The following CISD1 variants were observed in gnomAD, a reference collection of about 807,000 sequenced individuals.
The protein encoded by CISD1 is CDGSH iron sulfur domain 1, also known as CDGSH iron-sulfur domain-containing protein 1.
CISD1 carries 8 observed loss-of-function variants against 12.0 expected under a neutral mutation model. That is an observed-to-expected ratio of 0.67 (90% CI 0.39 to 1.20). The LOEUF (loss-of-function observed/expected upper bound fraction) is 1.20. Among genes scored for constraint, CISD1 ranks in the 50% most tolerant of loss-of-function variants. CISD1 has a pLI of 0.01. For missense variants in CISD1, 107 were observed against 132.7 expected (o/e 0.81, Z 0.95); for synonymous variants, 38 against 42.2 (o/e 0.90, Z 0.39).
intron 1 of CISD1, among the ~76,000 whole-genome samples, chr10:58,270,892 C>A (rs1479565542): frequency 6.6e-6 from 1 of 152,114 alleles, no homozygotes; most frequent in Non-Finnish European, 1.5e-5. Flanking sequence ...GAGACAGAGT[C>A]TCACTCAGTG....
intron 2 of CISD1, among the ~76,000 whole-genome samples, chr10:58,282,634 A>G (rs1839385509): frequency 6.6e-6 from 1 of 152,206 alleles, no homozygotes; most frequent in Non-Finnish European, 1.5e-5. Flanking sequence ...TGTATTTCAC[A>G]AAAGGGCTAT....
chr10:58,274,462 T>A (rs1163520125), intron 1 of CISD1, among the ~76,000 whole-genome samples: 2 of 149,598 alleles, frequency 1.3e-5, no homozygotes, highest in African/African-American at 4.9e-5. Flanking sequence ...TTTTTTTTTT[T>A]TTTTACTTCT....
intron 1 of CISD1, among the ~76,000 whole-genome samples, chr10:58,270,695 G>T (rs1300365504): frequency 6.6e-6 from 1 of 152,164 alleles, no homozygotes; most frequent in Non-Finnish European, 1.5e-5. Flanking sequence ...AGGCTGGTCT[G>T]CAGGATTTCT....
chr10:58,287,118 A>C (rs1360116110), intron 2 of CISD1, among the ~76,000 whole-genome samples: 1 of 152,066 alleles, frequency 6.6e-6, no homozygotes, highest in African/African-American at 2.4e-5. Flanking sequence ...ACAGGGTTTC[A>C]CCATGTTGGC....
chr10:58,273,948 A>G (rs1839280395), intron 1 of CISD1, among the ~76,000 whole-genome samples: 1 of 152,190 alleles, frequency 6.6e-6, no homozygotes, highest in Non-Finnish European at 1.5e-5. Flanking sequence ...GGCCTGGCCA[A>G]CATGGTGAAA....
chr10:58,281,271 G>T (rs953862971), intron 2 of CISD1, among the ~76,000 whole-genome samples: 4 of 152,224 alleles, frequency 2.6e-5, no homozygotes, highest in African/African-American at 9.6e-5. Flanking sequence ...TTTCCAGATG[G>T]TTAGGCCAGG....
At chr10:58,284,673 ACTTT>A (rs1270336552) in intron 2 of CISD1, among the ~76,000 whole-genome samples, 1 of 149,656 alleles carries the variant, frequency 6.7e-6, no homozygotes, top group African/African-American at 2.5e-5. Flanking sequence ...TTGATATATG[ACTTT>A]CTTTATATTT....
intron 1 of CISD1, chr10:58,273,277 A>G (rs1839269778): frequency 6.6e-6 from 1 of 152,192 alleles, no homozygotes; most frequent in Non-Finnish European, 1.5e-5. Context: ...TGACTCAACC[A>G]ACATTATTGA....
At chr10:58,277,715 C>A (rs1839331608) in intron 2 of CISD1, among the ~76,000 whole-genome samples, 1 of 151,524 alleles carries the variant, frequency 6.6e-6, no homozygotes, top group Non-Finnish European at 1.5e-5. Flanking sequence ...GTTGTACCCT[C>A]ATCGAGTTCA....
intron 2 of CISD1, among the ~76,000 whole-genome samples, chr10:58,280,064 A>G (rs1029226687): frequency 1.3e-5 from 2 of 152,218 alleles, no homozygotes; most frequent in Admixed American, 1.3e-4. Context: ...TCTGAGAAAA[A>G]TTGGTAACAT....
chr10:58,269,167 C>T lies in CISD1; in HGVS notation c.-107C>T. 2 of 1,210,984 alleles carry T rather than the reference C, an allele frequency of 1.7e-6. No individual in the cohort carries two copies. The highest frequency in any genetic ancestry group is 2.4e-6 in the Non-Finnish European group (2 of 832,782). The allele number at this position is 1,210,984 out of a possible 1,614,324, so 75.0% of individuals were successfully genotyped here. ...CGCCGCGGCGCCTGCGCGGTAGCAT[C>T]GCGGAGTCGGTGCTTTAGTACGCCG... On this transcript the variant is annotated 5_prime_UTR_variant, in exon 1 of 3. Transcript: ENST00000333926.
In CISD1 at chr10:58,288,711, A is replaced by G. The variant is rs1451467973; in HGVS notation, c.*1061A>G. The G allele has an allele frequency of 6.6e-6, 1 of 152,262 alleles. No individual in the cohort carries two copies. Among genetic ancestry groups the G allele is most frequent in the Non-Finnish European group, 1.5e-5 (1 of 67,978 alleles). 9.4% of individuals were successfully genotyped at this position (152,262 alleles called of 1,614,324 possible). The stretch of plus-strand genomic sequence containing the variant: ...ATATAAAAACTGAAAATAATTAGCA[A>G]TAAAAGATTTAAGACAAATAGTTCA... On this transcript the variant is annotated 3_prime_UTR_variant, in exon 3 of 3. Transcript: ENST00000333926.
At chr10:58,277,883 C>T (rs1236412222) in intron 2 of CISD1, among the ~76,000 whole-genome samples, 1 of 152,006 alleles carries the variant, frequency 6.6e-6, no homozygotes, top group Non-Finnish European at 1.5e-5. Context: ...TTTCAAGCAC[C>T]AGATACTAAG....
Position 58,269,320 on chromosome 10 carries a change from G to C in CISD1, c.31+16G>C, listed in dbSNP as rs1319536535. On this transcript the variant is annotated intron_variant, in intron 1 of 2. Transcript: ENST00000333926. ...AGCGTACGAGGTGAAGTGGGGCCTG[G>C]GAGCGGGTGAGGCTGGTGAGGCTCA... is the stretch of plus-strand genomic sequence containing the variant. 1 of 1,606,514 alleles carries C rather than the reference G, an allele frequency of 6.2e-7. No homozygotes were observed. The highest frequency in any genetic ancestry group is 1.1e-5 in the South Asian group (1 of 90,986).
At chr10:58,276,095 C>G (rs1839312683) in intron 1 of CISD1, 1 of 152,026 alleles carries the variant, frequency 6.6e-6, no homozygotes, top group Non-Finnish European at 1.5e-5. Context: ...TTATCCTGAC[C>G]CCTGTTCAAC....
At chr10:58,283,896 C>T (rs536426803) in intron 2 of CISD1, among the ~76,000 whole-genome samples, 4 of 152,160 alleles carry the variant, frequency 2.6e-5, no homozygotes, top group South Asian at 2.1e-4. Flanking sequence ...AATAAACAAA[C>T]GCTGACATCT....
At chr10:58,276,369 A>G (rs552493065) in intron 1 of CISD1, among the ~76,000 whole-genome samples, 1 of 152,030 alleles carries the variant, frequency 6.6e-6, no homozygotes, top group South Asian at 2.1e-4. Context: ...TTTAGAATTT[A>G]TTAAATGAGA....
Position 58,269,180 on chromosome 10 carries a change from C to G in CISD1, c.-94C>G, listed in dbSNP as rs577171846. 1.7e-5 allele frequency: 24 copies of G among 1,374,930 alleles called. No individual in the cohort carries two copies. Among genetic ancestry groups the G allele is most frequent in the South Asian group, 2.3e-5 (2 of 86,022 alleles). The allele number at this position is 1,374,930 out of a possible 1,614,324, so 85.2% of individuals were successfully genotyped here. ...GCGCGGTAGCATCGCGGAGTCGGTGCTTTAGTACGCCGCTGGCACCTTTAC... is the reference window on the plus strand; with the variant it reads ...GCGCGGTAGCATCGCGGAGTCGGTGGTTTAGTACGCCGCTGGCACCTTTAC... On this transcript the variant is annotated 5_prime_UTR_variant, in exon 1 of 3. Transcript: ENST00000333926.
chr10:58,284,801 TAA>T, intron 2 of CISD1, among the ~76,000 whole-genome samples: 1 of 152,306 alleles, frequency 6.6e-6, no homozygotes, highest in South Asian at 2.1e-4. Context: ...GATTAAAAAA[TAA>T]AAGTTAAACA....
Sources: gnomAD v4.1 joint callset for allele counts (sites outside exome capture counted in the v4.1 genomes callset) on GRCh38, gnomAD v4.1.1 for gene constraint, MANE v1.5 for transcripts, NCBI Gene and HGNC (gene_info 2026-07-23, HGNC 2026-07-21) for gene names.